The following TRAPPC9 variants were observed in gnomAD, a reference collection of about 807,000 sequenced individuals.
TRAPPC9 encodes the protein trafficking protein particle complex subunit 9.
In TRAPPC9, 83 loss-of-function variants were observed where a neutral mutation model predicts 124.0. That is an observed-to-expected ratio of 0.67 (90% CI 0.56 to 0.80). The LOEUF is 0.80. TRAPPC9 is among the 30% of genes least tolerant of loss of function. The probability of loss-of-function intolerance (pLI) is 0.00; values close to 1 mark genes in which losing one functional copy is unlikely to be tolerated. For synonymous variants in TRAPPC9, 638 were observed against 617.5 expected, an observed-to-expected ratio of 1.03 and a Z score of -0.49; for missense variants, 1,302 against 1,508.3, an observed-to-expected ratio of 0.86 and a Z score of 2.27.
At chr8:140,054,110 A>G (rs1336614894) in intron 17 of TRAPPC9, among the ~76,000 whole-genome samples, 1 of 152,230 alleles carries the variant, frequency 6.6e-6, no homozygotes, top group Non-Finnish European at 1.5e-5. Flanking sequence ...TTAAAAGTGG[A>G]AGCTAAATAA....
intron 21 of TRAPPC9, among the ~76,000 whole-genome samples, chr8:139,872,662 G>A (rs1180252309): frequency 6.7e-6 from 1 of 149,584 alleles, no homozygotes; most frequent in East Asian, 2.0e-4. Flanking sequence ...GTGGATGGAT[G>A]GATGGGTGGG....
At chr8:140,041,408 A>C (rs1175488897) in intron 17 of TRAPPC9, among the ~76,000 whole-genome samples, 1 of 152,238 alleles carries the variant, frequency 6.6e-6, no homozygotes, top group Admixed American at 6.5e-5. Context: ...CCCTCCCAAC[A>C]TCAAAGATTA....
chr8:139,840,094 T>TG (rs1340680639), intron 21 of TRAPPC9, among the ~76,000 whole-genome samples: 8 of 152,370 alleles, frequency 5.3e-5, no homozygotes, highest in African/African-American at 1.9e-4. Context: ...TCCCCTGGAC[T>TG]GTGCAGTCCA....
At position 139,984,053 on chromosome 8, in the gene TRAPPC9, T is replaced by C. The variant is rs887551090; in HGVS notation, c.2810+4673A>G. Among the ~76,000 whole-genome samples, 1 of 152,146 alleles carries C rather than the reference T, an allele frequency of 6.6e-6. No individual in the cohort carries two copies. The highest frequency in any genetic ancestry group is 1.5e-5 in the Non-Finnish European group (1 of 68,022). ...TCGTGCTGTTGGGGACACATTTCTATCCATAGCTCTTGCACTGGGTGAGAT... is the reference window on the plus strand; with the variant it reads ...TCGTGCTGTTGGGGACACATTTCTACCCATAGCTCTTGCACTGGGTGAGAT... On this transcript the variant is annotated intron_variant, in intron 19 of 22. Transcript: ENST00000438773. This position sits in a 1 kb window ranked among gnomAD's most constrained non-coding sequence, Gnocchi z 4.3.
intron 19 of TRAPPC9, among the ~76,000 whole-genome samples, chr8:139,928,696 A>G (rs1392089585): frequency 6.6e-6 from 1 of 150,900 alleles, no homozygotes; most frequent in Non-Finnish European, 1.5e-5. Flanking sequence ...TCTCCACGCC[A>G]TCTCCATGCT....
intron 9 of TRAPPC9, among the ~76,000 whole-genome samples, chr8:140,318,711 C>T (rs2049235): frequency 0.32 from 48,799 of 152,136 alleles, 8,604 homozygotes; most frequent in East Asian, 0.65. Flanking sequence ...GAATTTCTTC[C>T]CTTTTTACAG....
At chr8:139,901,451 G>A (rs78194235) in intron 20 of TRAPPC9, among the ~76,000 whole-genome samples, 5 of 152,292 alleles carry the variant, frequency 3.3e-5, no homozygotes, top group South Asian at 2.1e-4. Context: ...GTGCCCCAGC[G>A]TCTCAGCTGA....
intron 13 of TRAPPC9, 121 bp downstream of exon 13, chr8:140,287,487 C>A: frequency 2.2e-6 from 3 of 1,357,134 alleles, no homozygotes; most frequent in Non-Finnish European, 3.1e-6. Flanking sequence ...GAGACAAGGT[C>A]TTCATTATCT....
At chr8:140,437,729 T>C (rs1234630257) in intron 3 of TRAPPC9, among the ~76,000 whole-genome samples, 1 of 152,210 alleles carries the variant, frequency 6.6e-6, no homozygotes, top group Admixed American at 6.5e-5. Flanking sequence ...TTATCATAAG[T>C]GGCTGACAGG....
At chr8:139,738,809 C>T (rs577498581) in intron 21 of TRAPPC9, among the ~76,000 whole-genome samples, 1 of 152,318 alleles carries the variant, frequency 6.6e-6, no homozygotes, top group South Asian at 2.1e-4. Flanking sequence ...TAGGGGAGAC[C>T]CAGCCTGGGC....
At chr8:139,963,051 C>T (rs2614732) in intron 19 of TRAPPC9, among the ~76,000 whole-genome samples, 56,475 of 152,146 alleles carry the variant, frequency 0.37, 11,772 homozygotes, top group Non-Finnish European at 0.47. Context: ...TAATTTGTTA[C>T]AGCAGCAATA....
At chr8:139,838,161 G>A (rs1056315847) in intron 21 of TRAPPC9, among the ~76,000 whole-genome samples, 3 of 152,150 alleles carry the variant, frequency 2.0e-5, no homozygotes, top group Non-Finnish European at 4.4e-5. Context: ...CTCTCCATCC[G>A]TGACTTGCCT....
intron 22 of TRAPPC9, 129 bp downstream of exon 22, chr8:139,731,850 G>A (rs774099762): frequency 1.3e-5 from 11 of 863,430 alleles, no homozygotes; most frequent in Admixed American, 8.0e-5. Flanking sequence ...GTGTGCACAC[G>A]TGACCACAGA....
intron 9 of TRAPPC9, among the ~76,000 whole-genome samples, chr8:140,319,843 C>T (rs956375431): frequency 5.4e-4 from 82 of 152,270 alleles, no homozygotes; most frequent in African/African-American, 1.9e-3. Flanking sequence ...AATATGATCA[C>T]CAAAACTTTG....
chr8:140,316,390 C>T (rs753237526), intron 9 of TRAPPC9, among the ~76,000 whole-genome samples: 1 of 152,126 alleles, frequency 6.6e-6, no homozygotes, highest in Non-Finnish European at 1.5e-5. Flanking sequence ...TTTCATTCTA[C>T]CTGACTCTTC....
chr8:140,363,900 A>T (rs970709660), intron 8 of TRAPPC9, among the ~76,000 whole-genome samples: 8 of 152,192 alleles, frequency 5.3e-5, no homozygotes, highest in Non-Finnish European at 8.8e-5. Context: ...ACCCGGCCCC[A>T]AACATTTTTC....
intron 21 of TRAPPC9, among the ~76,000 whole-genome samples, chr8:139,758,599 A>G (rs1820013892): frequency 6.6e-6 from 1 of 152,174 alleles, no homozygotes; most frequent in Non-Finnish European, 1.5e-5. Flanking sequence ...GGTTCAGCTG[A>G]TAAAATGTTT....
intron 17 of TRAPPC9, among the ~76,000 whole-genome samples, chr8:140,186,064 G>C (rs2062348542): frequency 6.6e-6 from 1 of 152,168 alleles, no homozygotes; most frequent in South Asian, 2.1e-4. Flanking sequence ...TCACAAGTCT[G>C]TTATGAAGCT....
At chr8:139,957,212 T>C (rs1039647317) in intron 19 of TRAPPC9, among the ~76,000 whole-genome samples, 3 of 152,180 alleles carry the variant, frequency 2.0e-5, no homozygotes, top group Non-Finnish European at 4.4e-5. Flanking sequence ...AGGGTTGCCA[T>C]GGAAACAGCA....
Sources: gnomAD v4.1 joint callset for allele counts (sites outside exome capture counted in the v4.1 genomes callset) on GRCh38, gnomAD v4.1.1 for gene constraint, Gnocchi (gnomAD v3.1) non-coding constraint, MANE v1.5 for transcripts, NCBI Gene and HGNC (gene_info 2026-07-23, HGNC 2026-07-21) for gene names.